Variants in FAM222B observed in about 807,000 individuals in gnomAD.
FAM222B encodes family with sequence similarity 222 member B.
A neutral mutation model predicts 38.0 loss-of-function variants in FAM222B; 12 were observed. The observed-to-expected ratio is 0.32, with a 90% CI of 0.20 to 0.51. FAM222B has a LOEUF of 0.51. FAM222B is among the 20% of genes least tolerant of loss of function. FAM222B has a pLI of 0.97. For missense variants in FAM222B, 716 were observed against 754.2 expected, an observed-to-expected ratio of 0.95 and a Z score of 0.59; for synonymous variants, 329 against 317.2, an observed-to-expected ratio of 1.04 and a Z score of -0.40.
rs567509916 is a variant in FAM222B at position 28,832,262 on chromosome 17, A to G, written c.-41+10420T>C. ...AGGTATTAGGAGGATTAGAAATCTA[A>G]TATCTATTTTTCAAGATTCTAAAGT... On this transcript the variant is annotated intron_variant, in intron 1 of 2. Transcript: ENST00000581407. Among the ~76,000 whole-genome samples, 101 of 152,326 alleles carry G rather than the reference A, an allele frequency of 6.6e-4. 1 individual carries two copies. The highest frequency in any genetic ancestry group is 2.3e-3 in the African/African-American group (96 of 41,586).
chr17:28,813,043 G>GGGGGGGGGT, intron 1 of FAM222B, among the ~76,000 whole-genome samples: 1 of 63,054 alleles, frequency 1.6e-5, no homozygotes, highest in African/African-American at 5.7e-5. Context: ...GGGGGGGGGA[G>GGGGGGGGGT]GGGGGGGCGT....
chr17:28,803,271 G>A lies in FAM222B; in HGVS notation c.-40-36564C>T, dbSNP rs147532038. 3.6e-3 allele frequency among the ~76,000 whole-genome samples: 545 copies of A among 152,184 alleles called. 3 individuals carry two copies. Among genetic ancestry groups the A allele is most frequent in the African/African-American group, 0.013 (533 of 41,514 alleles). On this transcript the variant is annotated intron_variant, in intron 1 of 2. Coordinates refer to ENST00000581407, the MANE Select transcript of FAM222B (RefSeq NM_001077498.3). Reference sequence around the variant, plus strand: ...GATCTGCCCACCTTGGCCTCCCAAAGTGTGGAGATTACAGGCATGAGCCAC... The same window carrying A: ...GATCTGCCCACCTTGGCCTCCCAAAATGTGGAGATTACAGGCATGAGCCAC...
rs1233206838 is a variant in FAM222B, at chr17:28,756,522, ATCTGAC to A, written c.*1742_*1747del. ...GGGGGAAGACAGTGGTGCTCTTTAA[ATCTGAC>A]TCAGAAAAGCAGGAACTGGAAGAGG... On this transcript the variant is annotated 3_prime_UTR_variant, in exon 3 of 3. Transcript: ENST00000581407. 6.6e-6 allele frequency: 1 copy of A among 152,510 alleles called. No homozygotes were observed. Among genetic ancestry groups the A allele is most frequent in the Non-Finnish European group, 1.5e-5 (1 of 68,070 alleles). 9.4% of individuals were successfully genotyped at this position (152,510 alleles called of 1,614,324 possible).
chr17:28,776,075 CAAAA>C (rs564594488), intron 1 of FAM222B, among the ~76,000 whole-genome samples: 1 of 81,300 alleles, frequency 1.2e-5, no homozygotes, highest in Admixed American at 1.4e-4. Flanking sequence ...GACTTTGTCT[CAAAA>C]AAAAAAAAAG....
At chr17:28,851,658 A>C (rs1598071212) in intron 1 of FAM222B, among the ~76,000 whole-genome samples, 1 of 151,748 alleles carries the variant, frequency 6.6e-6, no homozygotes, top group Non-Finnish European at 1.5e-5. Context: ...CGGGCAGATC[A>C]CCGGGTCAGG....
intron 1 of FAM222B, among the ~76,000 whole-genome samples, chr17:28,795,409 T>C (rs767446496): frequency 3.3e-5 from 5 of 152,148 alleles, no homozygotes; most frequent in Non-Finnish European, 7.3e-5. Flanking sequence ...CCTCCCAAAC[T>C]GCTTACAGGT....
chr17:28,806,782 A>C (rs548223109), intron 1 of FAM222B, among the ~76,000 whole-genome samples: 1 of 152,282 alleles, frequency 6.6e-6, no homozygotes, highest in South Asian at 2.1e-4. Context: ...ACTTCAAATC[A>C]TTTCAAATAG....
intron 1 of FAM222B, among the ~76,000 whole-genome samples, chr17:28,812,002 T>C (rs1053455450): frequency 1.3e-5 from 2 of 151,844 alleles, no homozygotes; most frequent in Non-Finnish European, 2.9e-5. Flanking sequence ...TATCGACACA[T>C]CAGTAAAAAG....
chr17:28,768,036 C>T (rs1215135533), intron 1 of FAM222B, among the ~76,000 whole-genome samples: 3 of 152,268 alleles, frequency 2.0e-5, no homozygotes, highest in Admixed American at 2.0e-4. Context: ...GTTTACCAAC[C>T]AGACATACAC....
In FAM222B at chr17:28,757,969, C is replaced by A. The variant is rs2091501665; in HGVS notation, c.*301G>T. The A allele has an allele frequency of 3.4e-6, 1 of 291,028 alleles. No homozygotes were observed. Among genetic ancestry groups the A allele is most frequent in the East Asian group, 6.7e-5 (1 of 14,984 alleles). The allele number at this position is 291,028 out of a possible 1,614,324, so 18.0% of individuals were successfully genotyped here. On this transcript the variant is annotated 3_prime_UTR_variant, in exon 3 of 3. Transcript: ENST00000581407. ...GTCCTAAGGGAAACAGGAAGAGATT[C>A]AAGAAAAGATGGGTGGGAGCTGGCT...
intron 1 of FAM222B, among the ~76,000 whole-genome samples, chr17:28,841,564 C>A (rs55957586): frequency 6.6e-6 from 1 of 151,962 alleles, no homozygotes; most frequent in Non-Finnish European, 1.5e-5. Flanking sequence ...TTAGTAGAGA[C>A]GGGATTTCAC....
rs534304086 is a variant in FAM222B, at chr17:28,852,677, G to A, written c.-41+2273C>T. On this transcript the variant is annotated intron_variant, in intron 1 of 2. Coordinates refer to the FAM222B transcript ENST00000577513. Reference sequence around the variant, plus strand: ...CTTAAAAAAGAAAAGAAAATCCTCTGTTAACCCCACAGCCCTCTCCTGCTC... The same window carrying A: ...CTTAAAAAAGAAAAGAAAATCCTCTATTAACCCCACAGCCCTCTCCTGCTC... Among the ~76,000 whole-genome samples the A allele has an allele frequency of 9.9e-5, 15 of 152,156 alleles. No homozygotes were observed. In the South Asian group the frequency reaches 2.1e-3, roughly 21 times the overall value.
intron 1 of FAM222B, among the ~76,000 whole-genome samples, chr17:28,816,255 C>T (rs943403544): frequency 6.6e-6 from 1 of 151,548 alleles, no homozygotes; most frequent in Non-Finnish European, 1.5e-5. Context: ...CCAGCCTGGG[C>T]GAGTGGGACT....
At chr17:28,802,672 A>G in intron 1 of FAM222B, 1 of 178,998 alleles carries the variant, frequency 5.6e-6, no homozygotes. Flanking sequence ...GGGCCAAAGG[A>G]ATAAGGAATG....
chr17:28,838,437 G>A lies in FAM222B; in HGVS notation c.-41+4245C>T, dbSNP rs939954445. On this transcript the variant is annotated intron_variant, in intron 1 of 2. Coordinates refer to ENST00000581407, the MANE Select transcript of FAM222B (RefSeq NM_001077498.3). Reference sequence around the variant, plus strand: ...CTACTAAAAATACAAAAAATTAGCCGGGCGTGGTGACGGGCACCTGTAGTC... The same window carrying A: ...CTACTAAAAATACAAAAAATTAGCCAGGCGTGGTGACGGGCACCTGTAGTC... Among the ~76,000 whole-genome samples, 9 of 151,322 alleles carry A rather than the reference G, an allele frequency of 5.9e-5. No homozygotes were observed. In the East Asian group the frequency reaches 1.4e-3, roughly 23 times the overall value.
chr17:28,807,905 T>C (rs1567866607), intron 1 of FAM222B, among the ~76,000 whole-genome samples: 1 of 152,238 alleles, frequency 6.6e-6, no homozygotes, highest in Non-Finnish European at 1.5e-5. Context: ...AAAAGATGGA[T>C]TAAAAGTTTG....
intron 1 of FAM222B, among the ~76,000 whole-genome samples, chr17:28,771,990 G>C (rs1279830843): frequency 6.6e-6 from 1 of 152,162 alleles, no homozygotes; most frequent in Non-Finnish European, 1.5e-5. Context: ...CCGGGAGGCG[G>C]AGCTTGCAGT....
rs1898986830 is a variant in FAM222B at position 28,759,878 on chromosome 17, T to TAG, written c.83-4_83-3dup. On this transcript the variant is annotated splice_region_variant and splice_polypyrimidine_tract_variant and intron_variant, in intron 2 of 2. Coordinates refer to ENST00000581407, the MANE Select transcript of FAM222B (RefSeq NM_001077498.3). The surrounding 1 kb of genome is among the most constrained non-coding windows in gnomAD (Gnocchi z 4.8). ...TTCTCATTTTCTGTGTAGTGTCCCC[T>TAG]AGAGAGAGAGAATGGGAAGGAGAGC... The TAG allele has an allele frequency of 5.9e-6, 9 of 1,518,252 alleles. No homozygotes were observed. Among genetic ancestry groups the TAG allele is most frequent in the Admixed American group, 2.1e-5 (1 of 48,538 alleles). The allele number at this position is 1,518,252 out of a possible 1,614,324, so 94.0% of individuals were successfully genotyped here.
At chr17:28,803,651 T>C (rs1052512718) in intron 1 of FAM222B, among the ~76,000 whole-genome samples, 1 of 152,050 alleles carries the variant, frequency 6.6e-6, no homozygotes, top group African/African-American at 2.4e-5. Flanking sequence ...TGATGAATTA[T>C]TTACATATAC....
Sources: gnomAD v4.1 joint callset for allele counts (sites outside exome capture counted in the v4.1 genomes callset) on GRCh38, gnomAD v4.1.1 for gene constraint, Gnocchi (gnomAD v3.1) non-coding constraint, MANE v1.5 for transcripts, NCBI Gene and HGNC (gene_info 2026-07-23, HGNC 2026-07-21) for gene names.